The following EMC10 variants were observed in gnomAD, a reference collection of about 807,000 sequenced individuals.
EMC10 encodes the protein ER membrane protein complex subunit 10, also known as UPF0510 protein INM02.
EMC10 carries 40 observed loss-of-function variants against 32.2 expected under a neutral mutation model. The observed-to-expected ratio is 1.24, with a 90% confidence interval of 0.96 to 1.61. The LOEUF (loss-of-function observed/expected upper bound fraction) is 1.61. Among genes scored for constraint, EMC10 ranks in the 40% most tolerant of loss-of-function variants. The probability of loss-of-function intolerance (pLI) is 0.00; values close to 1 mark genes in which losing one functional copy is unlikely to be tolerated. For synonymous variants in EMC10, 178 were observed against 158.4 expected, an observed-to-expected ratio of 1.12 and a Z score of -0.93; for missense variants, 402 against 357.7, an observed-to-expected ratio of 1.12 and a Z score of -1.00.
chr19:50,477,353 A>C, intron 1 of EMC10: 1 of 152,808 alleles, frequency 6.5e-6, no homozygotes, highest in Non-Finnish European at 1.5e-5. Flanking sequence ...CAGGGAGCTG[A>C]GATCACGCTA....
At chr19:50,478,118 T>C (rs1277038222) in intron 2 of EMC10, 117 bp downstream of exon 2, 3 of 860,188 alleles carry the variant, frequency 3.5e-6, no homozygotes, top group Non-Finnish European at 5.3e-6. Context: ...TACTAACAGA[T>C]TTGCCTCAGG....
chr19:50,478,177 C>T (rs974714552), intron 2 of EMC10, among the ~76,000 whole-genome samples, 176 bp downstream of exon 2: 13 of 152,172 alleles, frequency 8.5e-5, no homozygotes, highest in African/African-American at 1.7e-4. Context: ...TTAAATGCCC[C>T]CTTGCCTGTG....
chr19:50,476,527 T>G lies in EMC10; in HGVS notation c.-18T>G. 2.5e-6 allele frequency: 4 copies of G among 1,570,260 alleles called. No homozygotes were observed. The highest frequency in any genetic ancestry group is 2.6e-6 in the Non-Finnish European group (3 of 1,163,630). ...TCTTGGCTCACAGCCGTCCCTTCGC[T>G]GGTGGGAAGAAGCCGAGATGGCGGC... On this transcript the variant is annotated 5_prime_UTR_variant, in exon 1 of 7. Coordinates refer to ENST00000334976, the MANE Select transcript of EMC10 (RefSeq NM_206538.4).
intron 3 of EMC10, 86 bp downstream of exon 3, chr19:50,479,152 A>AGGGG: frequency 1.8e-6 from 2 of 1,106,280 alleles, no homozygotes; most frequent in Non-Finnish European, 2.6e-6. Context: ...GGTCCCCAGC[A>AGGGG]GCCTTCCCTC....
chr19:50,478,984 G>A lies in EMC10; in HGVS notation c.215G>A (p.Gly72Asp). Residue 72 changes from glycine (G) to aspartate (D), a missense_variant, in exon 3 of 7, where the codon GGC becomes GAC. Physicochemically the swap from Gly to Asp is moderately conservative, Grantham distance 94 (BLOSUM62 -1). Transcript: ENST00000334976. ...IDDSANFRKR[G>D]SLLWNQQDGT... The stretch of plus-strand genomic sequence containing the variant: ...GACAGTGCCAACTTCCGGAAGCGGG[G>A]CTCACTGCTCTGGAACCAGCAGGAT... 1.2e-6 allele frequency: 2 copies of A among 1,610,876 alleles called. No homozygotes were observed. Among genetic ancestry groups the A allele is most frequent in the South Asian group, 1.1e-5 (1 of 90,494 alleles).
Position 50,477,955 on chromosome 19 carries a change from G to A in EMC10, c.141G>A (p.Glu47=), listed in dbSNP as rs777456159. 6.2e-7 allele frequency: 1 copy of A among 1,601,806 alleles called. No homozygotes were observed. The highest frequency in any genetic ancestry group is 2.3e-5 in the East Asian group (1 of 43,884). Residue 47 remains glutamate, a synonymous_variant, in exon 2 of 7, where the codon GAG becomes GAA. Transcript: ENST00000334976. ...RGAGAEGREG[E]ACGTVGLLLE... ...CTGGGGCGGAAGGTCGAGAGGGCGAGGCCTGTGGCACGGTGGGGCTGCTGC... is the reference window on the plus strand; with the variant it reads ...CTGGGGCGGAAGGTCGAGAGGGCGAAGCCTGTGGCACGGTGGGGCTGCTGC...
Position 50,482,313 on chromosome 19 carries a change from C to T in EMC10, c.*54C>T, listed in dbSNP as rs2040335440. The T allele has an allele frequency of 2.3e-5, 17 of 748,484 alleles. No individual in the cohort carries two copies. Among genetic ancestry groups the T allele is most frequent in the South Asian group, 2.2e-4 (13 of 59,058 alleles). The allele number at this position is 748,484 out of a possible 1,614,324, so 46.4% of individuals were successfully genotyped here. On this transcript the variant is annotated 3_prime_UTR_variant, in exon 7 of 7. Coordinates refer to ENST00000334976, the MANE Select transcript of EMC10 (RefSeq NM_206538.4). The stretch of plus-strand genomic sequence containing the variant: ...GCACACCCAGGGGCCTCCCTTTCTG[C>T]TGGAGTCCCCTGTGTCCTCAGCCAT...
chr19:50,477,813 C>G (rs1489520231), intron 1 of EMC10, 116 bp from the exon 2 acceptor site: 1 of 690,770 alleles, frequency 1.4e-6, no homozygotes, highest in African/African-American at 1.9e-5. Flanking sequence ...CAGTGATTAA[C>G]TTGAAGATAA....
Position 50,480,607 on chromosome 19 carries a change from G to T in EMC10, c.429G>T (p.Ser143=). 1 of 1,565,536 alleles carries T rather than the reference G, an allele frequency of 6.4e-7. No homozygotes were observed. Among genetic ancestry groups the T allele is most frequent in the Non-Finnish European group, 8.7e-7 (1 of 1,155,420 alleles). ...PACSLVESHL[S]DQLTLHVDVA... Reference sequence around the variant, plus strand: ...GCTCCCTGGTGGAGTCGCACCTGTCGGACCAGCTGACCCTGCACGTGGATG... The same window carrying T: ...GCTCCCTGGTGGAGTCGCACCTGTCTGACCAGCTGACCCTGCACGTGGATG... The change falls in exon 5 of 7, where the codon TCG becomes TCT. Residue 143 remains serine (S), a synonymous_variant. Transcript: ENST00000334976. The surrounding 1 kb of genome is among the most constrained non-coding windows in gnomAD (Gnocchi z 4.4).
In EMC10 at chr19:50,482,963, A is replaced by G; in HGVS notation, c.*704A>G. 1.7e-6 allele frequency: 1 copy of G among 578,448 alleles called. No homozygotes were observed. The highest frequency in any genetic ancestry group is 3.1e-6 in the Non-Finnish European group (1 of 321,038). The allele number at this position is 578,448 out of a possible 1,614,324, so 35.8% of individuals were successfully genotyped here. On this transcript the variant is annotated 3_prime_UTR_variant, in exon 7 of 7. Coordinates refer to ENST00000334976, the MANE Select transcript of EMC10 (RefSeq NM_206538.4). ...TGAAGGAAAAGGTTTAAGAAAGAAA[A>G]CAAAACCAACAGTTAGTGGAGTCAA...
Position 50,476,584 on chromosome 19 carries a change from C to T in EMC10, c.40C>T (p.Leu14Phe), listed in dbSNP as rs1456604279. 28 of 1,575,926 alleles carry T rather than the reference C, an allele frequency of 1.8e-5. No homozygotes were observed. Among genetic ancestry groups the T allele is most frequent in the Non-Finnish European group, 2.3e-5 (27 of 1,166,574 alleles). ...ASAGATRLLL[L>F]LLMAVAAPSR... ...CGCTGGGGCAACCCGGCTGCTCCTG[C>T]TCTTGCTGATGGCGGTAGCAGCGCC... is the stretch of plus-strand genomic sequence containing the variant. Residue 14 changes from leucine to phenylalanine, a missense_variant, in exon 1 of 7, where the codon CTC becomes TTC. Physicochemically the swap from Leu to Phe is conservative, Grantham distance 22 (BLOSUM62 0). Coordinates refer to ENST00000334976, the MANE Select transcript of EMC10 (RefSeq NM_206538.4).
intron 6 of EMC10, 189 bp from the exon 7 acceptor site, chr19:50,481,960 A>G (rs755658280): frequency 5.6e-6 from 9 of 1,607,134 alleles, no homozygotes; most frequent in Non-Finnish European, 5.9e-6. Context: ...GAGGACCGAG[A>G]CCCCTGCCCC....
chr19:50,482,899 T>G lies in EMC10; in HGVS notation c.*640T>G. 7.3e-6 allele frequency: 4 copies of G among 547,572 alleles called. No individual in the cohort carries two copies. In the South Asian group the frequency reaches 1.0e-4, roughly 14 times the overall value. The allele number at this position is 547,572 out of a possible 1,614,324, so 33.9% of individuals were successfully genotyped here. A position where few individuals can be genotyped will look rare whatever the true frequency, so the allele number is the denominator to read the frequency against. On this transcript the variant is annotated 3_prime_UTR_variant, in exon 7 of 7. Transcript: ENST00000334976. ...CTGCCTGGTGCAAACAAGGAATCCT[T>G]GCCTTTAAGGTGACAGGCCCTCCAC... is the stretch of plus-strand genomic sequence containing the variant.
intron 1 of EMC10, 132 bp from the exon 2 acceptor site, chr19:50,477,797 A>G: frequency 1.6e-6 from 1 of 609,750 alleles, no homozygotes; most frequent in South Asian, 2.3e-5. Context: ...AAATAAAGGC[A>G]AGCAGCAGTG....
intron 2 of EMC10, among the ~76,000 whole-genome samples, chr19:50,478,348 G>GC (rs1368203541): frequency 6.6e-6 from 1 of 152,198 alleles, no homozygotes; most frequent in Non-Finnish European, 1.5e-5. Flanking sequence ...ATTCGTGTCA[G>GC]CCCCTTTTTC....
Position 50,482,835 on chromosome 19 carries a change from C to T in EMC10, c.*576C>T, listed in dbSNP as rs1046246. 0.22 allele frequency: 116,011 copies of T among 520,640 alleles called. 14,479 individuals carry two copies. Among genetic ancestry groups the T allele is most frequent in the East Asian group, 0.38 (12,073 of 31,760 alleles). 32.3% of individuals were successfully genotyped at this position (520,640 alleles called of 1,614,324 possible). A position where few individuals can be genotyped will look rare whatever the true frequency, so the allele number is the denominator to read the frequency against. On this transcript the variant is annotated 3_prime_UTR_variant, in exon 7 of 7. Coordinates refer to ENST00000334976, the MANE Select transcript of EMC10 (RefSeq NM_206538.4). ...GATGGCCGGGGGCTTCTGGGCCCGA[C>T]GCCTAGTGCAGCCCCTGGGGTCGTG...
chr19:50,487,237 T>C lies in EMC10; in HGVS notation c.*4978T>C, dbSNP rs954017260. On this transcript the variant is annotated 3_prime_UTR_variant, in exon 7 of 7. Coordinates refer to ENST00000334976, the MANE Select transcript of EMC10 (RefSeq NM_206538.4). Reference sequence around the variant, plus strand: ...CCCCTCAGTGCTGAGGTGCTTCATGTTGTCAGAGGAAGAGTTGGGAAGGGA... The same window carrying C: ...CCCCTCAGTGCTGAGGTGCTTCATGCTGTCAGAGGAAGAGTTGGGAAGGGA... 1.3e-5 allele frequency: 2 copies of C among 152,214 alleles called. No individual in the cohort carries two copies. The highest frequency in any genetic ancestry group is 2.9e-5 in the Non-Finnish European group (2 of 68,056). 9.4% of individuals were successfully genotyped at this position (152,214 alleles called of 1,614,324 possible).
At chr19:50,479,194 C>G in intron 3 of EMC10, 128 bp downstream of exon 3, 1 of 674,022 alleles carries the variant, frequency 1.5e-6, no homozygotes, top group Non-Finnish European at 2.6e-6. Context: ...CACCACCTGC[C>G]ACTCTCAGCC....
At position 50,480,994 on chromosome 19, in the gene EMC10, C is replaced by T. The variant is rs757103645; in HGVS notation, c.678+17C>T. The T allele has an allele frequency of 1.8e-5, 28 of 1,585,994 alleles. No homozygotes were observed. The highest frequency in any genetic ancestry group is 9.4e-5 in the African/African-American group (7 of 74,320). ...GCCAAATACGTGAGTGGGGCTCCCC[C>T]GCCTCCCCTATTCCCTTCCTGACAG... On this transcript the variant is annotated intron_variant, in intron 6 of 6. Transcript: ENST00000334976. This position sits in a 1 kb window ranked among gnomAD's most constrained non-coding sequence, Gnocchi z 4.4.
Sources: allele counts gnomAD v4.1 joint callset (sites outside exome capture counted in the v4.1 genomes callset), GRCh38; gene constraint gnomAD v4.1.1; non-coding constraint Gnocchi (gnomAD v3.1); transcripts MANE v1.5; gene names NCBI Gene and HGNC (gene_info 2026-07-23, HGNC 2026-07-21).